The following WDPCP variants were observed in gnomAD, a reference collection of about 807,000 sequenced individuals.
WDPCP encodes WD repeat containing planar cell polarity effector.
A neutral mutation model predicts 93.1 loss-of-function variants in WDPCP; 71 were observed. That is an observed-to-expected ratio of 0.76 (90% confidence interval 0.63 to 0.93). WDPCP has a LOEUF of 0.93. WDPCP is among the 40% of genes least tolerant of loss of function. The pLI, the probability that WDPCP is intolerant of heterozygous loss-of-function variation, is 0.00. For missense variants in WDPCP, 844 were observed against 887.4 expected (o/e 0.95, Z 0.62); for synonymous variants, 315 against 315.0 (o/e 1.00, Z 0.00).
chr2:63,459,874 G>A (rs1428925780), intron 6 of WDPCP, among the ~76,000 whole-genome samples: 5 of 151,434 alleles, frequency 3.3e-5, no homozygotes, highest in East Asian at 1.9e-4. Flanking sequence ...GTGAGATTGC[G>A]CCACTGTACT....
At chr2:63,214,832 GACAA>G (rs1267207474) in intron 14 of WDPCP, among the ~76,000 whole-genome samples, 1 of 152,048 alleles carries the variant, frequency 6.6e-6, no homozygotes, top group Non-Finnish European at 1.5e-5. Flanking sequence ...ACCAATAACA[GACAA>G]ACAGAGAGCC....
intron 6 of WDPCP, among the ~76,000 whole-genome samples, chr2:63,462,335 C>T (rs1038483485): frequency 5.9e-5 from 9 of 152,092 alleles, no homozygotes; most frequent in Non-Finnish European, 1.0e-4. Flanking sequence ...GAACATCACA[C>T]ACCGGGGCCT....
intron 3 of WDPCP, among the ~76,000 whole-genome samples, chr2:63,611,468 C>A (rs1351261260): frequency 6.6e-6 from 1 of 152,068 alleles, no homozygotes; most frequent in Non-Finnish European, 1.5e-5. Flanking sequence ...CTTGATTAAA[C>A]CAGCCACAAT....
At chr2:63,664,654 C>T (rs558029879) in intron 2 of WDPCP, among the ~76,000 whole-genome samples, 1 of 152,188 alleles carries the variant, frequency 6.6e-6, no homozygotes, top group South Asian at 2.1e-4. Flanking sequence ...GTGAAATGGG[C>T]AGTGTAGCCA....
At chr2:63,808,046 G>A (rs1238040365) in intron 2 of WDPCP, among the ~76,000 whole-genome samples, 1 of 152,016 alleles carries the variant, frequency 6.6e-6, no homozygotes, top group Non-Finnish European at 1.5e-5. Context: ...CATAAAATCT[G>A]GAGAAATTGA....
chr2:63,320,726 G>A (rs1170439212), intron 12 of WDPCP, among the ~76,000 whole-genome samples: 3 of 151,786 alleles, frequency 2.0e-5, no homozygotes, highest in Non-Finnish European at 2.9e-5. Context: ...AAAAAATCTG[G>A]AAAATATTAA....
At chr2:63,280,559 C>T (rs1683457936) in intron 13 of WDPCP, among the ~76,000 whole-genome samples, 2 of 152,184 alleles carry the variant, frequency 1.3e-5, no homozygotes, top group Admixed American at 6.5e-5. Flanking sequence ...GGAAGCATCA[C>T]ATTACCCAAC....
chr2:63,709,323 G>C (rs960889298), intron 2 of WDPCP, among the ~76,000 whole-genome samples: 2 of 151,842 alleles, frequency 1.3e-5, no homozygotes, highest in African/African-American at 4.8e-5. Context: ...CCGAAAAAAA[G>C]AATGGAAAAT....
intron 1 of WDPCP, among the ~76,000 whole-genome samples, chr2:63,544,397 T>G (rs373345941): frequency 6.6e-6 from 1 of 152,176 alleles, no homozygotes; most frequent in Admixed American, 6.5e-5. Flanking sequence ...ACTATTAAGT[T>G]TGGGATATAT....
At chr2:63,542,545 G>C (rs576809164) in intron 1 of WDPCP, among the ~76,000 whole-genome samples, 22 of 152,162 alleles carry the variant, frequency 1.4e-4, no homozygotes, top group Admixed American at 6.5e-4. Flanking sequence ...CTTTATAAAG[G>C]CTCCAACTAT....
intron 9 of WDPCP, among the ~76,000 whole-genome samples, chr2:63,409,659 T>G (rs1558592742): frequency 6.6e-6 from 1 of 151,190 alleles, no homozygotes; most frequent in Non-Finnish European, 1.5e-5. Flanking sequence ...ACGATAGAAG[T>G]GAAAGGAGAA....
chr2:63,716,800 T>A (rs995230471), intron 2 of WDPCP, among the ~76,000 whole-genome samples: 1 of 152,198 alleles, frequency 6.6e-6, no homozygotes, highest in Non-Finnish European at 1.5e-5. Flanking sequence ...AGAACTCTTG[T>A]GCTACATTTA....
intron 2 of WDPCP, among the ~76,000 whole-genome samples, chr2:63,759,815 C>T (rs1477273562): frequency 6.6e-6 from 1 of 152,220 alleles, no homozygotes; most frequent in South Asian, 2.1e-4. Context: ...CCAGATATAC[C>T]AGATACCTGG....
intron 3 of WDPCP, among the ~76,000 whole-genome samples, chr2:63,617,709 C>A (rs1481454899): frequency 6.6e-6 from 1 of 152,042 alleles, no homozygotes; most frequent in African/African-American, 2.4e-5. Flanking sequence ...GAACAAATAC[C>A]TTTACTAATG....
At chr2:63,830,701 T>C (rs1276810023), upstream of WDPCP, among the ~76,000 whole-genome samples, 2 of 152,168 alleles carry the variant, frequency 1.3e-5, no homozygotes, top group Non-Finnish European at 2.9e-5. Flanking sequence ...CTCTCCTCTC[T>C]GGGCTCTATA....
intron 1 of WDPCP, among the ~76,000 whole-genome samples, chr2:63,820,651 G>C (rs942950737): frequency 6.6e-6 from 1 of 152,056 alleles, no homozygotes; most frequent in Non-Finnish European, 1.5e-5. Flanking sequence ...ATTTTGCAAT[G>C]CCTCATTAAA....
At chr2:63,479,913 T>A (rs1194052119) in intron 6 of WDPCP, among the ~76,000 whole-genome samples, 1 of 152,096 alleles carries the variant, frequency 6.6e-6, no homozygotes, top group Non-Finnish European at 1.5e-5. Flanking sequence ...ATCAAGGGCA[T>A]CCAAATGGGT....
At chr2:63,640,747 A>G (rs1354019684) in intron 3 of WDPCP, among the ~76,000 whole-genome samples, 1 of 152,176 alleles carries the variant, frequency 6.6e-6, no homozygotes, top group Non-Finnish European at 1.5e-5. Flanking sequence ...CAGGAATGCA[A>G]TGCGTAATAA....
Position 63,121,379 on chromosome 2 carries a change from T to C in WDPCP, c.*627A>G, listed in dbSNP as rs1669537626. 1 of 110,830 alleles carries C rather than the reference T, an allele frequency of 9.0e-6. No individual in the cohort carries two copies. Among genetic ancestry groups the C allele is most frequent in the Admixed American group, 1.4e-4 (1 of 7,072 alleles). 6.9% of individuals were successfully genotyped at this position (110,830 alleles called of 1,614,324 possible). A position where few individuals can be genotyped will look rare whatever the true frequency, so the allele number is the denominator to read the frequency against. On this transcript the variant is annotated 3_prime_UTR_variant, in exon 18 of 18. Transcript: ENST00000272321. ...GAGGACTTTCTTTCTTTCTTTTCTTTCTTTTTTTTTTTTTTTTTTTTTGGA... is the reference window on the plus strand; with the variant it reads ...GAGGACTTTCTTTCTTTCTTTTCTTCCTTTTTTTTTTTTTTTTTTTTTGGA...
Sources: allele counts gnomAD v4.1 joint callset (sites outside exome capture counted in the v4.1 genomes callset), GRCh38; gene constraint gnomAD v4.1.1; transcripts MANE v1.5; gene names NCBI Gene and HGNC (gene_info 2026-07-23, HGNC 2026-07-21).